The following PSEN1 variants were observed in gnomAD, a reference collection of about 807,000 sequenced individuals.
PSEN1 encodes presenilin 1, also known as presenilin-1.
In PSEN1, 15 loss-of-function variants were observed where a neutral mutation model predicts 53.5. The ratio of observed to expected loss-of-function variants is 0.28; its 90% CI spans 0.19 to 0.43. The LOEUF (loss-of-function observed/expected upper bound fraction) is 0.43, where lower values mean the gene tolerates loss of function less well. Among genes scored for constraint, PSEN1 ranks in the 20% least tolerant of loss-of-function variants. The pLI is 1.00. For missense variants in PSEN1, 387 were observed against 571.2 expected (o/e 0.68, Z 3.29); for synonymous variants, 208 against 209.8 (o/e 0.99, Z 0.08).
At chr14:73,193,167 G>T (rs149765364) in intron 7 of PSEN1, among the ~76,000 whole-genome samples, 2 of 151,862 alleles carry the variant, frequency 1.3e-5, no homozygotes, top group Non-Finnish European at 2.9e-5. Flanking sequence ...AAAATTAGCC[G>T]GGCATGGTGG....
chr14:73,193,221 G>C (rs1279712110), intron 7 of PSEN1, among the ~76,000 whole-genome samples: 1 of 152,052 alleles, frequency 6.6e-6, no homozygotes, highest in Admixed American at 6.6e-5. Flanking sequence ...GAGGTGGGAG[G>C]ATCGATTGAG....
At chr14:73,218,820 C>T (rs535320926) in intron 11 of PSEN1, among the ~76,000 whole-genome samples, 1 of 152,250 alleles carries the variant, frequency 6.6e-6, no homozygotes, top group East Asian at 1.9e-4. Context: ...GAGGCCAACA[C>T]ATCATTTAAG....
intron 5 of PSEN1, among the ~76,000 whole-genome samples, chr14:73,180,155 T>G (rs1374255207): frequency 1.3e-5 from 2 of 152,076 alleles, no homozygotes; most frequent in Non-Finnish European, 2.9e-5. Flanking sequence ...TGGGTAATTT[T>G]TGCATTTTTA....
At chr14:73,148,912 G>A (rs913149041) in intron 3 of PSEN1, among the ~76,000 whole-genome samples, 5 of 152,020 alleles carry the variant, frequency 3.3e-5, no homozygotes, top group African/African-American at 9.7e-5. Context: ...CAGCCTGGGC[G>A]ACGAGCGAAA....
At chr14:73,215,860 T>C (rs547378176) in intron 10 of PSEN1, among the ~76,000 whole-genome samples, 3 of 152,208 alleles carry the variant, frequency 2.0e-5, no homozygotes, top group Non-Finnish European at 4.4e-5. Context: ...AAATTCAGAC[T>C]GGTACAGCCA....
At chr14:73,204,662 T>C (rs1265651958) in intron 8 of PSEN1, among the ~76,000 whole-genome samples, 2 of 152,158 alleles carry the variant, frequency 1.3e-5, no homozygotes, top group Non-Finnish European at 2.9e-5. Flanking sequence ...CAAAGGAGCT[T>C]GTAGCTATAT....
intron 3 of PSEN1, among the ~76,000 whole-genome samples, chr14:73,163,068 T>G (rs1478927704): frequency 4.6e-5 from 7 of 152,226 alleles, no homozygotes; most frequent in Admixed American, 3.3e-4. Context: ...TAGATTCTTA[T>G]GTCACATTTT....
chr14:73,186,873 T>C lies in PSEN1; in HGVS notation c.501T>C (p.Ile167=), dbSNP rs199637432. The C allele has an allele frequency of 7.4e-6, 12 of 1,613,342 alleles. No individual in the cohort carries two copies. The highest frequency in any genetic ancestry group is 1.0e-5 in the Non-Finnish European group (12 of 1,179,376). Residue 167 remains isoleucine (I), a synonymous_variant, in exon 6 of 12, where the codon ATT becomes ATC. Coordinates refer to ENST00000324501, the MANE Select transcript of PSEN1 (RefSeq NM_000021.4). ...RCYKVIHAWL[I]ISSLLLLFFF... ...TCTAGGTCATCCATGCCTGGCTTATTATATCATCTCTATTGTTGCTGTTCT... is the reference window on the plus strand; with the variant it reads ...TCTAGGTCATCCATGCCTGGCTTATCATATCATCTCTATTGTTGCTGTTCT...
chr14:73,205,826 T>A (rs1409179482), intron 8 of PSEN1, among the ~76,000 whole-genome samples: 1 of 152,216 alleles, frequency 6.6e-6, no homozygotes, highest in Non-Finnish European at 1.5e-5. Context: ...TAGATTGATA[T>A]ATTGATATAC....
intron 8 of PSEN1, among the ~76,000 whole-genome samples, chr14:73,198,960 G>C (rs1899068413): frequency 6.6e-6 from 1 of 152,060 alleles, no homozygotes; most frequent in Non-Finnish European, 1.5e-5. Flanking sequence ...GTTGTGTGTA[G>C]AGACTGGGTT....
In PSEN1 at chr14:73,223,069, T is replaced by A. The variant is rs925061389; in HGVS notation, c.*3780T>A. The A allele has an allele frequency of 2.6e-5, 4 of 152,346 alleles. No individual in the cohort carries two copies. The highest frequency in any genetic ancestry group is 9.6e-5 in the African/African-American group (4 of 41,578). The allele number at this position is 152,346 out of a possible 1,614,324, so 9.4% of individuals were successfully genotyped here. On this transcript the variant is annotated 3_prime_UTR_variant, in exon 12 of 12. Transcript: ENST00000324501. ...GATTAAAAACAGAGGTTTCAGCTCT[T>A]CATAGTGCGTTGTGAAATGGCTGGC...
intron 1 of PSEN1, among the ~76,000 whole-genome samples, chr14:73,144,885 CATTT>C (rs1310349138): frequency 6.6e-6 from 1 of 151,712 alleles, no homozygotes; most frequent in Non-Finnish European, 1.5e-5. Context: ...ATTTATATAC[CATTT>C]ATTTATTTTA....
intron 7 of PSEN1, among the ~76,000 whole-genome samples, chr14:73,196,412 A>G (rs2140101154): frequency 6.8e-6 from 1 of 147,812 alleles, no homozygotes; most frequent in Non-Finnish European, 1.5e-5. Context: ...TTCTATATAT[A>G]CTATATTATA....
At chr14:73,208,220 C>T (rs575179549) in intron 9 of PSEN1, among the ~76,000 whole-genome samples, 2 of 152,222 alleles carry the variant, frequency 1.3e-5, no homozygotes, top group African/African-American at 4.8e-5. Flanking sequence ...GTGGGGGGCA[C>T]GTTTCAGCCC....
intron 3 of PSEN1, among the ~76,000 whole-genome samples, chr14:73,162,444 C>CGT (rs1264297512): frequency 2.8e-5 from 4 of 141,966 alleles, no homozygotes; most frequent in Non-Finnish European, 6.3e-5. Context: ...CGCTCGCTCG[C>CGT]GCGCTCTCTC....
chr14:73,181,159 G>C (rs766180385), intron 5 of PSEN1, among the ~76,000 whole-genome samples: 1 of 152,204 alleles, frequency 6.6e-6, no homozygotes, highest in Non-Finnish European at 1.5e-5. Flanking sequence ...CATAGTTTCA[G>C]CTGGGCGTGG....
At chr14:73,151,951 G>T (rs1362329447) in intron 3 of PSEN1, among the ~76,000 whole-genome samples, 2 of 108,264 alleles carry the variant, frequency 1.8e-5, no homozygotes, top group African/African-American at 3.5e-5. Flanking sequence ...TCGCTCTGTT[G>T]CCCAGGCTGG....
intron 3 of PSEN1, among the ~76,000 whole-genome samples, chr14:73,153,471 A>G (rs528028120): frequency 4.9e-4 from 74 of 152,204 alleles, no homozygotes; most frequent in Non-Finnish European, 8.5e-4. Flanking sequence ...GGAATCACAA[A>G]GCTTGGTCAG....
intron 3 of PSEN1, among the ~76,000 whole-genome samples, chr14:73,157,585 C>T (rs1292782870): frequency 1.3e-5 from 2 of 152,094 alleles, no homozygotes; most frequent in African/African-American, 4.8e-5. Flanking sequence ...TGTCCATTAC[C>T]TCCAGAAGTT....
Sources: allele counts gnomAD v4.1 joint callset (sites outside exome capture counted in the v4.1 genomes callset), GRCh38; gene constraint gnomAD v4.1.1; transcripts MANE v1.5; gene names NCBI Gene and HGNC (gene_info 2026-07-23, HGNC 2026-07-21).